The following AGBL4 variants were observed in gnomAD, a reference collection of about 807,000 sequenced individuals.
AGBL4 encodes AGBL carboxypeptidase 4.
AGBL4 carries 58 observed loss-of-function variants against 66.4 expected under a neutral mutation model. The ratio of observed to expected loss-of-function variants is 0.87; its 90% CI spans 0.71 to 1.09. AGBL4 has a LOEUF of 1.09. Among genes scored for constraint, AGBL4 ranks in the 50% least tolerant of loss-of-function variants. The pLI is 0.00. For synonymous variants in AGBL4, 234 were observed against 222.9 expected (o/e 1.05, Z -0.44); for missense variants, 579 against 631.0 (o/e 0.92, Z 0.88).
chr1:48,897,432 A>G (rs1392252582), intron 5 of AGBL4, among the ~76,000 whole-genome samples: 1 of 152,236 alleles, frequency 6.6e-6, no homozygotes, highest in Non-Finnish European at 1.5e-5. Context: ...CAATGCTGCA[A>G]TAAACATGGG....
intron 6 of AGBL4, among the ~76,000 whole-genome samples, chr1:48,778,698 A>C (rs1298842629): frequency 2.0e-5 from 3 of 152,142 alleles, no homozygotes; most frequent in Non-Finnish European, 4.4e-5. Flanking sequence ...ACAATGTTTT[A>C]TTACTTTATC....
intron 3 of AGBL4, among the ~76,000 whole-genome samples, chr1:49,496,893 T>C (rs1191672557): frequency 2.0e-5 from 3 of 151,336 alleles, no homozygotes; most frequent in Non-Finnish European, 4.4e-5. Flanking sequence ...ACCCAGTAGT[T>C]GGATTGCTGG....
intron 3 of AGBL4, among the ~76,000 whole-genome samples, chr1:49,603,975 CACACA>C (rs1571155072): frequency 1.7e-5 from 2 of 117,796 alleles, no homozygotes; most frequent in African/African-American, 6.7e-5. Flanking sequence ...CACACACACA[CACACA>C]CCACATTTTA....
chr1:49,616,309 C>T (rs1319631630), intron 3 of AGBL4, among the ~76,000 whole-genome samples: 1 of 152,246 alleles, frequency 6.6e-6, no homozygotes. Flanking sequence ...GACCTAAAAG[C>T]AGGCTTTGGC....
chr1:49,150,249 C>T (rs563937473), intron 4 of AGBL4, among the ~76,000 whole-genome samples: 65 of 152,102 alleles, frequency 4.3e-4, no homozygotes, highest in Non-Finnish European at 7.5e-4. Flanking sequence ...GGTACATTGT[C>T]GTTCCTCCCT....
At chr1:49,053,711 T>TGG (rs1644261021) in intron 4 of AGBL4, among the ~76,000 whole-genome samples, 1 of 152,188 alleles carries the variant, frequency 6.6e-6, no homozygotes, top group East Asian at 1.9e-4. Flanking sequence ...AAAAATTTTT[T>TGG]GTCTGTTACC....
intron 4 of AGBL4, among the ~76,000 whole-genome samples, chr1:49,160,496 G>C (rs1339207467): frequency 6.6e-6 from 1 of 152,134 alleles, no homozygotes; most frequent in Non-Finnish European, 1.5e-5. Flanking sequence ...GTCCCTACTG[G>C]GAGGTGTCTC....
chr1:48,897,301 A>G (rs551273579), intron 5 of AGBL4, among the ~76,000 whole-genome samples: 96 of 152,280 alleles, frequency 6.3e-4, no homozygotes, highest in African/African-American at 2.3e-3. Context: ...TGTTGCTGCA[A>G]ATGAGAGGGT....
chr1:49,644,183 C>A (rs1395035770), intron 3 of AGBL4, among the ~76,000 whole-genome samples: 1 of 151,424 alleles, frequency 6.6e-6, no homozygotes, highest in Non-Finnish European at 1.5e-5. Context: ...CTAAAGCAAC[C>A]ACTAAAATAA....
intron 4 of AGBL4, among the ~76,000 whole-genome samples, chr1:49,168,174 T>A (rs541172707): frequency 4.6e-4 from 70 of 152,284 alleles, no homozygotes; most frequent in African/African-American, 1.6e-3. Flanking sequence ...TATTTTTTTT[T>A]AAATAAATTC....
chr1:48,714,534 C>T (rs752725343), intron 6 of AGBL4, among the ~76,000 whole-genome samples: 4 of 152,228 alleles, frequency 2.6e-5, no homozygotes, highest in Admixed American at 6.5e-5. Context: ...CTCCAGCCTT[C>T]CACATTTCTT....
At position 49,071,633 on chromosome 1, in the gene AGBL4, T is replaced by C. The variant is rs148933499; in HGVS notation, c.378-25833A>G. Among the ~76,000 whole-genome samples, 705 of 152,066 alleles carry C rather than the reference T, an allele frequency of 4.6e-3. 18 individuals carry two copies. The highest frequency in any genetic ancestry group is 0.016 in the African/African-American group (679 of 41,330). On this transcript the variant is annotated intron_variant, in intron 4 of 13. Coordinates refer to ENST00000371839, the MANE Select transcript of AGBL4 (RefSeq NM_032785.4). ...ACAGTTTGTTGTGATTTCTGTTCTT[T>C]TACATTTGCTGAGGAGTGTGTTGCT...
chr1:49,207,492 CT>C (rs753250597), intron 4 of AGBL4, among the ~76,000 whole-genome samples: 96 of 138,110 alleles, frequency 7.0e-4, no homozygotes, highest in African/African-American at 1.1e-3. Context: ...TTCTTTCTTT[CT>C]TTTCTTTCTT....
chr1:49,413,531 G>A (rs1645362024), intron 3 of AGBL4, among the ~76,000 whole-genome samples: 1 of 152,226 alleles, frequency 6.6e-6, no homozygotes, highest in African/African-American at 2.4e-5. Flanking sequence ...ACCTGAGGGT[G>A]AAGCCCAAGT....
At chr1:49,099,321 C>T (rs147750759) in intron 4 of AGBL4, among the ~76,000 whole-genome samples, 5 of 152,274 alleles carry the variant, frequency 3.3e-5, no homozygotes, top group African/African-American at 1.2e-4. Flanking sequence ...ATAATATTAG[C>T]ATATGGGACA....
chr1:48,568,805 C>G (rs1355106404), intron 11 of AGBL4, among the ~76,000 whole-genome samples: 2 of 152,164 alleles, frequency 1.3e-5, no homozygotes, highest in Non-Finnish European at 2.9e-5. Context: ...TGTACTTTCT[C>G]CCTAATGTCC....
intron 5 of AGBL4, among the ~76,000 whole-genome samples, chr1:48,870,610 C>T (rs911260692): frequency 2.0e-5 from 3 of 152,190 alleles, no homozygotes; most frequent in African/African-American, 7.2e-5. Flanking sequence ...CCTGCCATGT[C>T]TGTAGCCAGG....
chr1:49,848,273 G>A (rs1190678890), intron 2 of AGBL4, among the ~76,000 whole-genome samples: 1 of 151,994 alleles, frequency 6.6e-6, no homozygotes, highest in Non-Finnish European at 1.5e-5. Flanking sequence ...ATTTTTCTAA[G>A]AACTAAAAAT....
At chr1:48,723,929 G>T (rs1647189200) in intron 6 of AGBL4, among the ~76,000 whole-genome samples, 1 of 152,224 alleles carries the variant, frequency 6.6e-6, no homozygotes, top group Non-Finnish European at 1.5e-5. Flanking sequence ...CAGTGAGTAG[G>T]GGCTGAGGTA....
Sources: allele counts gnomAD v4.1 joint callset (sites outside exome capture counted in the v4.1 genomes callset), GRCh38; gene constraint gnomAD v4.1.1; transcripts MANE v1.5; gene names NCBI Gene and HGNC (gene_info 2026-07-23, HGNC 2026-07-21).